Variants in LRRC2 observed in about 807,000 individuals in gnomAD.
LRRC2 encodes leucine rich repeat containing 2.
LRRC2 carries 27 observed loss-of-function variants against 40.2 expected under a neutral mutation model. The ratio of observed to expected loss-of-function variants is 0.67; its 90% confidence interval spans 0.49 to 0.93. The LOEUF is 0.93. Ranked by LOEUF, LRRC2 falls within the 40% of genes least tolerant of loss-of-function variation. LRRC2 has a pLI of 0.00. For synonymous variants in LRRC2, 147 were observed against 158.9 expected (o/e 0.92, Z 0.56); for missense variants, 402 against 439.6 (o/e 0.91, Z 0.76).
intron 7 of LRRC2, among the ~76,000 whole-genome samples, chr3:46,524,639 A>T (rs546214901): frequency 1.3e-5 from 2 of 152,220 alleles, no homozygotes; most frequent in East Asian, 3.9e-4. Flanking sequence ...CATATTTTAA[A>T]TTTTTTCTTT....
At chr3:46,522,533 G>A (rs1350642994) in intron 7 of LRRC2, among the ~76,000 whole-genome samples, 1 of 151,772 alleles carries the variant, frequency 6.6e-6, no homozygotes, top group African/African-American at 2.4e-5. Flanking sequence ...GCAACATAGA[G>A]AGACTCCATC....
chr3:46,534,238 C>T (rs1010202347), intron 4 of LRRC2, among the ~76,000 whole-genome samples: 1 of 152,124 alleles, frequency 6.6e-6, no homozygotes. Context: ...TCATCCATGT[C>T]TCTGCAAAGG....
chr3:46,534,463 T>C (rs564366326), intron 4 of LRRC2, among the ~76,000 whole-genome samples: 1 of 151,198 alleles, frequency 6.6e-6, no homozygotes, highest in South Asian at 2.1e-4. Context: ...TTTCTTTCTT[T>C]CTTTCTTTGT....
chr3:46,546,782 A>T (rs910123407), intron 2 of LRRC2, among the ~76,000 whole-genome samples: 1 of 141,056 alleles, frequency 7.1e-6, no homozygotes, highest in Non-Finnish European at 1.5e-5. Flanking sequence ...GCAATGGCAC[A>T]GTCTCAGCTC....
chr3:46,515,787 G>A lies in LRRC2; in HGVS notation c.*3227C>T, dbSNP rs896739427. On this transcript the variant is annotated 3_prime_UTR_variant, in exon 9 of 9. Coordinates refer to ENST00000395905, the MANE Select transcript of LRRC2 (RefSeq NM_024512.5). Reference sequence around the variant, plus strand: ...CCTCTTCAGATATATTTTCCACTTGGCCATATGTAACACATACCTTAGCAT... The same window carrying A: ...CCTCTTCAGATATATTTTCCACTTGACCATATGTAACACATACCTTAGCAT... The A allele has an allele frequency of 6.6e-6, 1 of 151,758 alleles. No homozygotes were observed. Among genetic ancestry groups the A allele is most frequent in the African/African-American group, 2.4e-5 (1 of 41,268 alleles). The allele number at this position is 151,758 out of a possible 1,614,324, so 9.4% of individuals were successfully genotyped here. A position where few individuals can be genotyped will look rare whatever the true frequency, so the allele number is the denominator to read the frequency against.
chr3:46,527,692 G>A, intron 6 of LRRC2, 111 bp from the exon 7 acceptor site: 1 of 911,258 alleles, frequency 1.1e-6, no homozygotes, highest in Admixed American at 2.4e-5. Flanking sequence ...TTTTATACAT[G>A]TGACCTTTAT....
chr3:46,540,608 C>T (rs1471734248), intron 3 of LRRC2, among the ~76,000 whole-genome samples: 1 of 151,904 alleles, frequency 6.6e-6, no homozygotes, highest in African/African-American at 2.4e-5. Flanking sequence ...AAGTGAATCA[C>T]TTACAGTAAG....
chr3:46,537,372 T>C, intron 4 of LRRC2, among the ~76,000 whole-genome samples: 1 of 152,306 alleles, frequency 6.6e-6, no homozygotes, highest in African/African-American at 2.4e-5. Flanking sequence ...AGTGCTGGGA[T>C]TCCAGGCATG....
At chr3:46,521,923 A>G (rs1703970763) in intron 7 of LRRC2, among the ~76,000 whole-genome samples, 2 of 152,194 alleles carry the variant, frequency 1.3e-5, no homozygotes, top group Non-Finnish European at 2.9e-5. Flanking sequence ...ACAGGAGGCC[A>G]TGGAGTGGAC....
intron 7 of LRRC2, among the ~76,000 whole-genome samples, chr3:46,521,905 C>T (rs1559407763): frequency 6.6e-6 from 1 of 152,166 alleles, no homozygotes; most frequent in Non-Finnish European, 1.5e-5. Context: ...TAGTCATAGG[C>T]AGAGAGTACA....
intron 6 of LRRC2, among the ~76,000 whole-genome samples, chr3:46,528,062 C>T (rs112868236): frequency 1.6e-4 from 24 of 152,202 alleles, no homozygotes; most frequent in African/African-American, 4.1e-4. Flanking sequence ...TGCCAGGTGA[C>T]GTGATTTTTT....
At position 46,551,600 on chromosome 3, in the gene LRRC2, C is replaced by A. The variant is rs2107038615; in HGVS notation, c.-9G>T. The A allele has an allele frequency of 6.2e-7, 1 of 1,605,044 alleles. No homozygotes were observed. Among genetic ancestry groups the A allele is most frequent in the Non-Finnish European group, 8.5e-7 (1 of 1,177,168 alleles). On this transcript the variant is annotated 5_prime_UTR_variant, in exon 2 of 9. An upstream start codon of the reference 5' UTR is lost. Coordinates refer to ENST00000395905, the MANE Select transcript of LRRC2 (RefSeq NM_024512.5). ...ACCACTTTATGTCCCATTTTGGGAG[C>A]ATGAAATTACCTATTTAAAAAATAT... is the stretch of plus-strand genomic sequence containing the variant.
At chr3:46,522,601 T>A (rs941512025) in intron 7 of LRRC2, among the ~76,000 whole-genome samples, 4 of 151,848 alleles carry the variant, frequency 2.6e-5, no homozygotes, top group African/African-American at 9.7e-5. Flanking sequence ...TAATCCCAGC[T>A]ACTCGGCAGG....
chr3:46,545,224 T>G lies in LRRC2; in HGVS notation c.155A>C (p.Glu52Ala). The G allele has an allele frequency of 6.2e-7, 1 of 1,614,178 alleles. No individual in the cohort carries two copies. Among genetic ancestry groups the G allele is most frequent in the Non-Finnish European group, 8.5e-7 (1 of 1,180,028 alleles). ...CTGGGGGATGCCCTTCCTCCTGCAT[T>G]CGGCCACAAAGTTCCACTCCTCCTT... is the stretch of plus-strand genomic sequence containing the variant. ...KIKEEWNFVA[E>A]CRRKGIPQAV... Residue 52 changes from glutamate to alanine, a missense_variant, in exon 3 of 9, where the codon GAA (glutamate) becomes GCA (alanine). By Grantham distance (107) the Glu-to-Ala change is moderately radical (BLOSUM62 -1). Coordinates refer to ENST00000395905, the MANE Select transcript of LRRC2 (RefSeq NM_024512.5).
chr3:46,544,930 A>G, intron 3 of LRRC2, 116 bp downstream of exon 3: 1 of 984,446 alleles, frequency 1.0e-6, no homozygotes. Flanking sequence ...TTCACTGAGG[A>G]AGGGACAGAA....
At chr3:46,542,260 G>A (rs1704411244) in intron 3 of LRRC2, among the ~76,000 whole-genome samples, 1 of 152,138 alleles carries the variant, frequency 6.6e-6, no homozygotes, top group Admixed American at 6.5e-5. Flanking sequence ...CACTTTGGGA[G>A]GCTAAGGCAA....
intron 4 of LRRC2, among the ~76,000 whole-genome samples, chr3:46,533,966 T>C (rs1346179549): frequency 6.6e-6 from 1 of 151,310 alleles, no homozygotes; most frequent in African/African-American, 2.4e-5. Context: ...AACATGCAGG[T>C]TTCTTATATC....
intron 4 of LRRC2, among the ~76,000 whole-genome samples, chr3:46,534,427 T>C (rs866634633): frequency 3.5e-4 from 40 of 113,270 alleles, no homozygotes; most frequent in East Asian, 2.4e-3. Flanking sequence ...TTCCTTCCTT[T>C]CTTTCTTTCT....
chr3:46,530,548 CA>C (rs200029702), intron 5 of LRRC2, among the ~76,000 whole-genome samples: 1 of 151,272 alleles, frequency 6.6e-6, no homozygotes, highest in Non-Finnish European at 1.5e-5. Flanking sequence ...CCACTGCACA[CA>C]AAAAAAAGAC....
Sources: gnomAD v4.1 joint callset for allele counts (sites outside exome capture counted in the v4.1 genomes callset) on GRCh38, gnomAD v4.1.1 for gene constraint, MANE v1.5 for transcripts, NCBI Gene and HGNC (gene_info 2026-07-23, HGNC 2026-07-21) for gene names.